Variants in ASH1L observed in about 807,000 individuals in gnomAD.
The protein encoded by ASH1L is histone-lysine N-methyltransferase ASH1L.
In ASH1L, 23 loss-of-function variants were observed where a neutral mutation model predicts 269.0. The observed-to-expected ratio is 0.09, with a 90% CI of 0.06 to 0.12. ASH1L has a LOEUF of 0.12. Ranked by LOEUF, ASH1L falls within the 10% of genes least tolerant of loss-of-function variation. The pLI, the probability that ASH1L is intolerant of heterozygous loss-of-function variation, is 1.00. For synonymous variants in ASH1L, 1,187 were observed against 1,253.5 expected (o/e 0.95, Z 1.12); for missense variants, 2,912 against 3,567.8 (o/e 0.82, Z 4.68).
intron 3 of ASH1L, among the ~76,000 whole-genome samples, chr1:155,463,270 T>C (rs1436542968): frequency 1.3e-5 from 2 of 151,870 alleles, no homozygotes; most frequent in African/African-American, 4.8e-5. Context: ...GTACATGGAC[T>C]ATGGAGTAAA....
chr1:155,491,297 A>G (rs1490765408), intron 2 of ASH1L, among the ~76,000 whole-genome samples: 3 of 152,186 alleles, frequency 2.0e-5, no homozygotes, highest in African/African-American at 7.2e-5. Flanking sequence ...TTTTTATTAA[A>G]AAGTGAAAGG....
chr1:155,409,858 T>C (rs924840911), intron 6 of ASH1L, among the ~76,000 whole-genome samples: 1 of 152,078 alleles, frequency 6.6e-6, no homozygotes, highest in Non-Finnish European at 1.5e-5. Flanking sequence ...AACAAAAGCC[T>C]GAGTTCTTAA....
intron 1 of ASH1L, among the ~76,000 whole-genome samples, chr1:155,558,400 G>A (rs1305754097): frequency 6.6e-6 from 1 of 152,140 alleles, no homozygotes; most frequent in Non-Finnish European, 1.5e-5. Flanking sequence ...GAACCCAGGA[G>A]GCAGAGGTTG....
chr1:155,523,852 C>CA (rs1447146399), intron 1 of ASH1L, among the ~76,000 whole-genome samples: 1 of 151,724 alleles, frequency 6.6e-6, no homozygotes, highest in East Asian at 1.9e-4. Flanking sequence ...GGCCAGGTGA[C>CA]AGAGCAAGAA....
In ASH1L at chr1:155,562,465, T is replaced by C. The variant is rs1558229767; in HGVS notation, c.-412A>G. The C allele has an allele frequency of 6.6e-5, 96 of 1,451,724 alleles. No individual in the cohort carries two copies. The highest frequency in any genetic ancestry group is 2.1e-4 in the Middle Eastern group (1 of 4,762). 89.9% of individuals were successfully genotyped at this position (1,451,724 alleles called of 1,614,324 possible). A position where few individuals can be genotyped will look rare whatever the true frequency, so the allele number is the denominator to read the frequency against. ...GGCGGCAGCAGCAGAGTGGCGGCGG[T>C]GGCGGCGGCAGCTCCTCCAGAGGGA... On this transcript the variant is annotated 5_prime_UTR_variant, in exon 1 of 28. Coordinates refer to ENST00000392403, the MANE Select transcript of ASH1L (RefSeq NM_018489.3).
chr1:155,484,227 G>A (rs764808227), intron 2 of ASH1L, among the ~76,000 whole-genome samples: 2 of 152,196 alleles, frequency 1.3e-5, no homozygotes, highest in Non-Finnish European at 2.9e-5. Flanking sequence ...GGTGGCTCAC[G>A]CCTGTAATCC....
chr1:155,489,279 T>C (rs1666579589), intron 2 of ASH1L, among the ~76,000 whole-genome samples: 1 of 151,654 alleles, frequency 6.6e-6, no homozygotes, highest in Non-Finnish European at 1.5e-5. Context: ...GAGACCAGCC[T>C]GATCAATATG....
chr1:155,475,183 C>G (rs1369621343), intron 3 of ASH1L, among the ~76,000 whole-genome samples: 1 of 151,912 alleles, frequency 6.6e-6, no homozygotes, highest in African/African-American at 2.4e-5. Flanking sequence ...TACAGTCTCA[C>G]TCTGTTGCAC....
chr1:155,456,516 C>T (rs745465404), intron 4 of ASH1L, among the ~76,000 whole-genome samples: 5 of 152,214 alleles, frequency 3.3e-5, no homozygotes, highest in Admixed American at 2.0e-4. Flanking sequence ...CTTCACTAAA[C>T]ATCTTTTCTT....
intron 3 of ASH1L, among the ~76,000 whole-genome samples, chr1:155,460,666 A>G (rs913460107): frequency 1.2e-4 from 18 of 152,078 alleles, no homozygotes; most frequent in African/African-American, 4.1e-4. Flanking sequence ...AATTCACAGA[A>G]ATTATTTTCA....
At chr1:155,535,970 C>T (rs991485851) in intron 1 of ASH1L, among the ~76,000 whole-genome samples, 1 of 151,594 alleles carries the variant, frequency 6.6e-6, no homozygotes, top group East Asian at 1.9e-4. Flanking sequence ...TGCACGCCAG[C>T]CTGGGCAACA....
chr1:155,339,235 A>C, intron 26 of ASH1L, 93 bp downstream of exon 26: 12 of 1,147,838 alleles, frequency 1.0e-5, no homozygotes, highest in Non-Finnish European at 1.6e-5. Flanking sequence ...CCAGTCCTAG[A>C]AGTGGAGCTG....
chr1:155,378,239 C>T (rs1656637712), intron 10 of ASH1L, 42 bp downstream of exon 10: 3 of 1,495,538 alleles, frequency 2.0e-6, no homozygotes, highest in East Asian at 4.6e-5. Flanking sequence ...TGTATGTATA[C>T]CTTAAAGCCT....
chr1:155,367,180 G>T (rs1655509272), intron 12 of ASH1L, among the ~76,000 whole-genome samples: 1 of 152,006 alleles, frequency 6.6e-6, no homozygotes, highest in African/African-American at 2.4e-5. Flanking sequence ...TTTTAGTAGA[G>T]ACAGGGTTTC....
At chr1:155,430,210 C>T (rs1338883202) in intron 5 of ASH1L, among the ~76,000 whole-genome samples, 3 of 151,822 alleles carry the variant, frequency 2.0e-5, no homozygotes, top group Non-Finnish European at 4.4e-5. Flanking sequence ...CCCTGGGCTC[C>T]AGCAATACTC....
chr1:155,405,493 C>T (rs1010207059), intron 6 of ASH1L, among the ~76,000 whole-genome samples: 3 of 151,750 alleles, frequency 2.0e-5, no homozygotes, highest in African/African-American at 7.3e-5. Context: ...TTAAAACAAA[C>T]AAACAAAACA....
intron 25 of ASH1L, among the ~76,000 whole-genome samples, chr1:155,340,308 G>C (rs1417313797): frequency 6.6e-6 from 1 of 151,878 alleles, no homozygotes. Context: ...TCAGCCTCCT[G>C]AGTAACTGGG....
chr1:155,488,352 T>C (rs1666469475), intron 2 of ASH1L, among the ~76,000 whole-genome samples: 1 of 151,566 alleles, frequency 6.6e-6, no homozygotes, highest in Admixed American at 6.6e-5. Flanking sequence ...ATAAAATAAA[T>C]GAATGAGACA....
rs116234204 is a variant in ASH1L, at chr1:155,370,731, C to T, written c.6539+46G>A. 7.4e-6 allele frequency: 12 copies of T among 1,612,898 alleles called. No homozygotes were observed. The East Asian group carries it at 2.5e-4, about 33-fold the overall frequency. ...CACATCTTCCATTCTCCATTCTAATCTTATACCTTGGCATTTTATTAGAGT... is the reference window on the plus strand; with the variant it reads ...CACATCTTCCATTCTCCATTCTAATTTTATACCTTGGCATTTTATTAGAGT... On this transcript the variant is annotated intron_variant, in intron 11 of 27. Transcript: ENST00000392403.
Sources: gnomAD v4.1 joint callset for allele counts (sites outside exome capture counted in the v4.1 genomes callset) on GRCh38, gnomAD v4.1.1 for gene constraint, MANE v1.5 for transcripts, NCBI Gene and HGNC (gene_info 2026-07-23, HGNC 2026-07-21) for gene names.